Variants in ARSG observed in about 807,000 individuals in gnomAD.
The protein encoded by ARSG is ASG.
Under a neutral mutation model 50.5 loss-of-function variants are expected in ARSG, and 37 were observed. The ratio of observed to expected loss-of-function variants is 0.73; its 90% CI spans 0.56 to 0.96. The LOEUF (loss-of-function observed/expected upper bound fraction) is 0.96, where lower values mean the gene tolerates loss of function less well. ARSG is among the 50% of genes least tolerant of loss of function. ARSG has a pLI of 0.00. For missense variants in ARSG, 629 were observed against 675.3 expected (o/e 0.93, Z 0.76); for synonymous variants, 225 against 254.6 (o/e 0.88, Z 1.11).
intron 2 of ARSG, among the ~76,000 whole-genome samples, chr17:68,333,634 TAATAATA>T: frequency 7.6e-5 from 1 of 13,112 alleles, no homozygotes; most frequent in African/African-American, 1.5e-4. Context: ...GTCTCAAAAA[TAATAATA>T]ATAATAATAA....
At position 68,378,872 on chromosome 17, in the gene ARSG, T is replaced by C. The variant is rs1397063290; in HGVS notation, c.983-6192T>C. ...AATTTGATGCTATCAGGTTGTTGCA[T>C]AACCTTTCCCGCTGGGAAGCAGTCT... is the stretch of plus-strand genomic sequence containing the variant. On this transcript the variant is annotated intron_variant, in intron 8 of 11. Coordinates refer to ENST00000621439, the MANE Select transcript of ARSG (RefSeq NM_001267727.2). This position sits in a 1 kb window ranked among gnomAD's most constrained non-coding sequence, Gnocchi z 4.4. Among the ~76,000 whole-genome samples the C allele has an allele frequency of 6.9e-6, 1 of 145,324 alleles. No homozygotes were observed. The highest frequency in any genetic ancestry group is 1.5e-5 in the Non-Finnish European group (1 of 66,254).
chr17:68,319,448 C>T (rs60245012), intron 2 of ARSG, among the ~76,000 whole-genome samples: 2,533 of 152,252 alleles, frequency 0.017, 68 homozygotes, highest in African/African-American at 0.058. Flanking sequence ...AAAGGGACTT[C>T]AGGTTTTTAC....
chr17:68,310,131 G>A (rs945232423), intron 2 of ARSG, among the ~76,000 whole-genome samples: 15 of 151,732 alleles, frequency 9.9e-5, no homozygotes, highest in African/African-American at 3.6e-4. Flanking sequence ...GTGCCACCTG[G>A]GGAGAAACCC....
the ARSG span, chr17:68,440,912 A>T: frequency 6.6e-6 from 1 of 152,370 alleles, no homozygotes; most frequent in East Asian, 1.9e-4. Context: ...AAATAGAAAG[A>T]CATCTTCTTT....
chr17:68,278,617 CTTTTTT>C (rs56870988), intron 1 of ARSG, among the ~76,000 whole-genome samples: 1 of 111,980 alleles, frequency 8.9e-6, no homozygotes, highest in East Asian at 2.4e-4. Context: ...TTTCTTTTTC[CTTTTTT>C]TTTTTTTTTT....
chr17:68,298,267 T>C (rs1555759242), intron 1 of ARSG, among the ~76,000 whole-genome samples: 1 of 152,110 alleles, frequency 6.6e-6, no homozygotes, highest in Non-Finnish European at 1.5e-5. Flanking sequence ...CCTAAAACTT[T>C]AGGGGAATCT....
chr17:68,380,306 A>T (rs939100928), intron 8 of ARSG, among the ~76,000 whole-genome samples: 1 of 150,496 alleles, frequency 6.6e-6, no homozygotes, highest in South Asian at 2.1e-4. Context: ...CAGTGATCTA[A>T]TCAGAGCTCA....
Position 68,378,268 on chromosome 17 carries a change from G to A in ARSG, c.983-6796G>A, listed in dbSNP as rs1257347368. On this transcript the variant is annotated intron_variant, in intron 8 of 11. Transcript: ENST00000621439. This position sits in a 1 kb window ranked among gnomAD's most constrained non-coding sequence, Gnocchi z 4.4. ...AGGCGGTCAATGTTTTCGCAACGGAGTAGGACAAACAGTACCCGGAGTCGT... is the reference window on the plus strand; with the variant it reads ...AGGCGGTCAATGTTTTCGCAACGGAATAGGACAAACAGTACCCGGAGTCGT... Among the ~76,000 whole-genome samples the A allele has an allele frequency of 6.6e-6, 1 of 152,246 alleles. No homozygotes were observed. The highest frequency in any genetic ancestry group is 6.5e-5 in the Admixed American group (1 of 15,284).
intron 2 of ARSG, among the ~76,000 whole-genome samples, chr17:68,327,545 C>T (rs782669073): frequency 3.3e-5 from 5 of 152,186 alleles, no homozygotes; most frequent in Middle Eastern, 3.2e-3. Flanking sequence ...TGTGTCTTCG[C>T]AGCATTCTCT....
chr17:68,360,978 C>A (rs1396684195), intron 6 of ARSG, among the ~76,000 whole-genome samples: 1 of 152,130 alleles, frequency 6.6e-6, no homozygotes, highest in Non-Finnish European at 1.5e-5. Flanking sequence ...GCGCCCGCCA[C>A]CACACCCAGC....
chr17:68,262,231 G>C (rs2075083351), intron 1 of ARSG, among the ~76,000 whole-genome samples: 1 of 152,012 alleles, frequency 6.6e-6, no homozygotes, highest in African/African-American at 2.4e-5. Context: ...CAGCACTTTG[G>C]GAGGCTGAGG....
rs537819429 is a variant in ARSG at position 68,359,168 on chromosome 17, GACA to G, written c.704+2384_704+2386del. ...ACAGTGTGAGACTCCATCTCAAAAC[GACA>G]ACAACAACAACAACAACAAAACTAC... On this transcript the variant is annotated intron_variant, in intron 6 of 11. Transcript: ENST00000621439. 4.6e-5 allele frequency among the ~76,000 whole-genome samples: 7 copies of G among 151,416 alleles called. No homozygotes were observed. In the South Asian group the frequency reaches 8.4e-4, roughly 18 times the overall value.
chr17:68,353,322 A>C (rs2078887343), intron 5 of ARSG, among the ~76,000 whole-genome samples: 1 of 152,078 alleles, frequency 6.6e-6, no homozygotes, highest in Admixed American at 6.6e-5. Context: ...CAGAGCCCAT[A>C]TGCCCTTCCT....
At chr17:68,329,889 C>T (rs1373239171) in intron 2 of ARSG, among the ~76,000 whole-genome samples, 1 of 152,172 alleles carries the variant, frequency 6.6e-6, no homozygotes, top group Non-Finnish European at 1.5e-5. Context: ...CTATCCTGGG[C>T]TGTATGTACT....
intron 9 of ARSG, among the ~76,000 whole-genome samples, chr17:68,391,978 G>A (rs1187411766): frequency 6.6e-6 from 1 of 152,180 alleles, no homozygotes; most frequent in African/African-American, 2.4e-5. Flanking sequence ...AACAGGAGAC[G>A]GAGCCTCAGA....
intron 1 of ARSG, chr17:68,274,230 T>C: frequency 3.0e-6 from 2 of 665,828 alleles, no homozygotes; most frequent in African/African-American, 1.8e-5. Flanking sequence ...CTTTGGGAGG[T>C]TGAGGACGGA....
At chr17:68,279,288 G>C (rs1228181463) in intron 1 of ARSG, among the ~76,000 whole-genome samples, 1 of 151,916 alleles carries the variant, frequency 6.6e-6, no homozygotes, top group Non-Finnish European at 1.5e-5. Flanking sequence ...GTCTCTGCTT[G>C]ATGTCCCTGG....
At chr17:68,388,602 T>A (rs1286325194) in intron 9 of ARSG, among the ~76,000 whole-genome samples, 1 of 151,964 alleles carries the variant, frequency 6.6e-6, no homozygotes, top group Non-Finnish European at 1.5e-5. Context: ...GTGACCAGAA[T>A]GGCAAAAAGG....
chr17:68,264,746 T>C (rs2075125723), intron 1 of ARSG, among the ~76,000 whole-genome samples: 1 of 151,998 alleles, frequency 6.6e-6, no homozygotes. Context: ...CCAACTCATT[T>C]TTATAAGTAG....
Sources: gnomAD v4.1 joint callset for allele counts (sites outside exome capture counted in the v4.1 genomes callset) on GRCh38, gnomAD v4.1.1 for gene constraint, Gnocchi (gnomAD v3.1) non-coding constraint, MANE v1.5 for transcripts, NCBI Gene and HGNC (gene_info 2026-07-23, HGNC 2026-07-21) for gene names.